The following ZNF507 variants were observed in gnomAD, a reference collection of about 807,000 sequenced individuals.
ZNF507 encodes the protein zinc finger protein 507.
A neutral mutation model predicts 80.0 loss-of-function variants in ZNF507; 29 were observed. The observed-to-expected ratio is 0.36, with a 90% CI of 0.27 to 0.49. The LOEUF is 0.49. ZNF507 is among the 20% of genes least tolerant of loss of function. The pLI, the probability that ZNF507 is intolerant of heterozygous loss-of-function variation, is 0.98. For synonymous variants in ZNF507, 462 were observed against 422.5 expected (o/e 1.09, Z -1.15); for missense variants, 1,081 against 1,152.2 (o/e 0.94, Z 0.90).
chr19:32,367,740 A>G (rs1967417657), intron 5 of ZNF507, among the ~76,000 whole-genome samples: 1 of 152,246 alleles, frequency 6.6e-6, no homozygotes, highest in South Asian at 2.1e-4. Context: ...AGCTAAAAAA[A>G]TCTAAACAGA....
At position 32,354,459 on chromosome 19, in the gene ZNF507, G is replaced by T. The variant is rs769043344; in HGVS notation, c.1629G>T (p.Met543Ile). The T allele has an allele frequency of 3.7e-6, 6 of 1,614,114 alleles. No homozygotes were observed. In the South Asian group the frequency reaches 6.6e-5, roughly 18 times the overall value. Residue 543 changes from methionine to isoleucine, a missense_variant, in exon 3 of 7, where the codon ATG becomes ATT. Coordinates refer to ENST00000355898, the MANE Select transcript of ZNF507 (RefSeq NM_001136156.2). ...VDSTLAAYSKMMSPLKNSSDG... is the reference protein window; with the variant it reads ...VDSTLAAYSKIMSPLKNSSDG... ...GTACATTGGCAGCGTACTCAAAAAT[G>T]ATGTCGCCACTTAAAAACTCTTCAG...
intron 5 of ZNF507, among the ~76,000 whole-genome samples, chr19:32,375,134 G>T (rs1967529326): frequency 6.6e-6 from 1 of 152,034 alleles, no homozygotes; most frequent in South Asian, 2.1e-4. Flanking sequence ...TGAATCTAAT[G>T]AAACATGTAG....
chr19:32,382,661 T>G, intron 6 of ZNF507, 56 bp from the exon 7 acceptor site: 1 of 1,612,116 alleles, frequency 6.2e-7, no homozygotes, highest in African/African-American at 1.3e-5. Flanking sequence ...GGATTAAATC[T>G]ACTAGTCCTA....
chr19:32,350,363 G>A (rs1300632913), intron 2 of ZNF507, among the ~76,000 whole-genome samples: 1 of 152,056 alleles, frequency 6.6e-6, no homozygotes, highest in Non-Finnish European at 1.5e-5. Flanking sequence ...AATGTATGCA[G>A]CCTTTAAAAT....
chr19:32,346,654 CTATTT>C (rs1172784361), intron 1 of ZNF507, among the ~76,000 whole-genome samples: 1 of 152,204 alleles, frequency 6.6e-6, no homozygotes, highest in Non-Finnish European at 1.5e-5. Context: ...TGGCAGTGAG[CTATTT>C]TACTTAACCG....
At position 32,387,469 on chromosome 19, in the gene ZNF507, CACTA is replaced by C. The variant is rs1967704165; in HGVS notation, c.*4389_*4392del. ...TGAAAAACCCAATCTGAAACTGTGT[CACTA>C]ACCTCCAAATTAAAGAATCCGAGCA... On this transcript the variant is annotated 3_prime_UTR_variant, in exon 7 of 7. Transcript: ENST00000355898. 1 of 152,186 alleles carries C rather than the reference CACTA, an allele frequency of 6.6e-6. No individual in the cohort carries two copies. The highest frequency in any genetic ancestry group is 2.4e-5 in the African/African-American group (1 of 41,450). 9.4% of individuals were successfully genotyped at this position (152,186 alleles called of 1,614,324 possible). A position where few individuals can be genotyped will look rare whatever the true frequency, so the allele number is the denominator to read the frequency against.
Position 32,382,515 on chromosome 19 carries a change from T to C in ZNF507, c.2409T>C (p.Ser803=). The C allele has an allele frequency of 6.2e-7, 1 of 1,614,206 alleles. No individual in the cohort carries two copies. The highest frequency in any genetic ancestry group is 8.5e-7 in the Non-Finnish European group (1 of 1,180,012). ...GTAGCCATCCTCCTTCTTTGAAGTC[T>C]CATATGTGGAAACATGCAAGTGACC... is the stretch of plus-strand genomic sequence containing the variant. The part of the protein sequence containing the change: ...YVCSHPPSLK[S]HMWKHASDQN... The change falls in exon 6 of 7, where the codon TCT becomes TCC. Residue 803 remains serine (S), a synonymous_variant. Coordinates refer to ENST00000355898, the MANE Select transcript of ZNF507 (RefSeq NM_001136156.2).
At chr19:32,347,634 C>CAA (rs772336715) in intron 2 of ZNF507, among the ~76,000 whole-genome samples, 2 of 124,172 alleles carry the variant, frequency 1.6e-5, no homozygotes, top group Non-Finnish European at 3.5e-5. Flanking sequence ...TTCTCATCTG[C>CAA]AAAAAAAAAA....
At position 32,383,418 on chromosome 19, in the gene ZNF507, G is replaced by T; in HGVS notation, c.*335G>T. On this transcript the variant is annotated 3_prime_UTR_variant, in exon 7 of 7. Transcript: ENST00000355898. ...AGAAATGCCAGCAAGAGTTAAGAAA[G>T]GGCTTTTCAGGAACTATTCTAAAAG... The T allele has an allele frequency of 4.6e-6, 1 of 215,628 alleles. No individual in the cohort carries two copies. The highest frequency in any genetic ancestry group is 9.4e-6 in the Non-Finnish European group (1 of 106,184). 13.4% of individuals were successfully genotyped at this position (215,628 alleles called of 1,614,324 possible).
intron 5 of ZNF507, among the ~76,000 whole-genome samples, chr19:32,366,672 C>G (rs189172226): frequency 1.3e-5 from 2 of 152,280 alleles, no homozygotes; most frequent in South Asian, 4.1e-4. Context: ...TTTTAACATT[C>G]TTTTACATGT....
At chr19:32,379,444 T>C (rs887315381) in intron 5 of ZNF507, among the ~76,000 whole-genome samples, 1 of 152,228 alleles carries the variant, frequency 6.6e-6, no homozygotes, top group Non-Finnish European at 1.5e-5. Context: ...AAATATTTAA[T>C]GAAATGTCAA....
At chr19:32,377,168 C>G (rs1967560319) in intron 5 of ZNF507, among the ~76,000 whole-genome samples, 1 of 152,058 alleles carries the variant, frequency 6.6e-6, no homozygotes, top group African/African-American at 2.4e-5. Flanking sequence ...TCTAAACTCT[C>G]CTGGGGAAAG....
intron 5 of ZNF507, among the ~76,000 whole-genome samples, chr19:32,378,913 C>T (rs747764717): frequency 6.6e-6 from 1 of 152,178 alleles, no homozygotes; most frequent in Non-Finnish European, 1.5e-5. Flanking sequence ...GCCAGCATTT[C>T]GTGTCTGTTT....
intron 5 of ZNF507, chr19:32,380,527 T>C: frequency 7.4e-7 from 1 of 1,356,238 alleles, no homozygotes; most frequent in Admixed American, 2.0e-5. Flanking sequence ...TCTTTGACCG[T>C]ATTTAATTGT....
chr19:32,375,365 C>G (rs1599557800), intron 5 of ZNF507, among the ~76,000 whole-genome samples: 1 of 152,324 alleles, frequency 6.6e-6, no homozygotes, highest in South Asian at 2.1e-4. Context: ...AGAAACTCTT[C>G]TAGATCTCAC....
intron 5 of ZNF507, among the ~76,000 whole-genome samples, chr19:32,361,683 C>CTTCCTTCCT (rs1342392364): frequency 9.7e-5 from 2 of 20,692 alleles, no homozygotes; most frequent in Admixed American, 6.6e-4. Flanking sequence ...CCTTCCTTTC[C>CTTCCTTCCT]TTCCTTCCTT....
At chr19:32,361,867 T>A (rs1002035256) in intron 5 of ZNF507, among the ~76,000 whole-genome samples, 1 of 147,318 alleles carries the variant, frequency 6.8e-6, no homozygotes, top group African/African-American at 2.5e-5. Flanking sequence ...TTCCTTTCCT[T>A]CCTTTCCTTT....
At chr19:32,366,759 T>C (rs1324114320) in intron 5 of ZNF507, among the ~76,000 whole-genome samples, 1 of 152,262 alleles carries the variant, frequency 6.6e-6, no homozygotes, top group Non-Finnish European at 1.5e-5. Flanking sequence ...TAATTGGACA[T>C]GTATATGTAT....
At chr19:32,358,935 C>T (rs1373233054) in intron 4 of ZNF507, 5 of 152,162 alleles carry the variant, frequency 3.3e-5, no homozygotes, top group Non-Finnish European at 5.9e-5. Flanking sequence ...AGGACTAAGC[C>T]CAAGTTTTTG....
Sources: gnomAD v4.1 joint callset for allele counts (sites outside exome capture counted in the v4.1 genomes callset) on GRCh38, gnomAD v4.1.1 for gene constraint, MANE v1.5 for transcripts, NCBI Gene and HGNC (gene_info 2026-07-23, HGNC 2026-07-21) for gene names.